Variants in CEP131 observed in about 807,000 individuals in gnomAD.
The protein encoded by CEP131 is centrosomal protein of 131 kDa.
CEP131 carries 99 observed loss-of-function variants against 136.8 expected under a neutral mutation model. The observed-to-expected ratio is 0.72, with a 90% confidence interval of 0.62 to 0.86. The LOEUF (loss-of-function observed/expected upper bound fraction) is 0.86, where lower values mean the gene tolerates loss of function less well. CEP131 is among the 40% of genes least tolerant of loss of function. The probability of loss-of-function intolerance (pLI) is 0.00; values close to 1 mark genes in which losing one functional copy is unlikely to be tolerated. For synonymous variants in CEP131, 646 were observed against 612.7 expected (o/e 1.05, Z -0.80); for missense variants, 1,459 against 1,463.0 (o/e 1.00, Z 0.04).
intron 5 of CEP131, among the ~76,000 whole-genome samples, chr17:81,205,561 G>C (rs1360945768): frequency 6.6e-6 from 1 of 151,640 alleles, no homozygotes; most frequent in Non-Finnish European, 1.5e-5. Flanking sequence ...GGTGCTGTTT[G>C]ACATTTTGGC....
At chr17:81,205,922 T>C (rs1354002172) in intron 5 of CEP131, among the ~76,000 whole-genome samples, 4 of 151,904 alleles carry the variant, frequency 2.6e-5, no homozygotes, top group African/African-American at 9.7e-5. Flanking sequence ...AAGCAAGAAT[T>C]GAGCTGGGTG....
At position 81,195,683 on chromosome 17, in the gene CEP131, C is replaced by T. The variant is rs2061738933; in HGVS notation, c.2016+152G>A. The stretch of plus-strand genomic sequence containing the variant: ...AGTGGACCAGCTCGGTGCCACGGTG[C>T]TCCCCCAGACAGCCCCACCCACCGC... On this transcript the variant is annotated intron_variant, in intron 16 of 25. Transcript: ENST00000450824. The T allele has an allele frequency of 1.2e-5, 8 of 685,450 alleles. No individual in the cohort carries two copies. In the South Asian group the frequency reaches 1.4e-4, roughly 12 times the overall value. 42.5% of individuals were successfully genotyped at this position (685,450 alleles called of 1,614,324 possible).
chr17:81,211,174 G>A (rs556621059), intron 2 of CEP131, among the ~76,000 whole-genome samples: 89 of 152,334 alleles, frequency 5.8e-4, no homozygotes, highest in African/African-American at 1.9e-3. Flanking sequence ...CCGCCGCCCC[G>A]TTCTCCACGC....
intron 14 of CEP131, 41 bp downstream of exon 14, chr17:81,196,889 A>T: frequency 1.2e-6 from 2 of 1,606,512 alleles, no homozygotes; most frequent in Middle Eastern, 3.3e-4. Flanking sequence ...AGCAGGTAGG[A>T]GGCTAGCAGG....
intron 20 of CEP131, 26 bp downstream of exon 20, chr17:81,192,450 C>T (rs2061661339): frequency 1.9e-6 from 3 of 1,611,776 alleles, no homozygotes; most frequent in Non-Finnish European, 2.5e-6. Context: ...CCTGGCCAGG[C>T]CCAGCACAGC....
intron 17 of CEP131, among the ~76,000 whole-genome samples, chr17:81,194,664 G>A (rs1323276366): frequency 5.9e-5 from 9 of 152,250 alleles, no homozygotes; most frequent in African/African-American, 2.2e-4. Flanking sequence ...GCTGGGCCAG[G>A]CTCCTGTGTG....
intron 20 of CEP131, 26 bp from the exon 21 acceptor site, chr17:81,192,418 T>C (rs764364789): frequency 6.2e-7 from 1 of 1,611,332 alleles, no homozygotes; most frequent in Non-Finnish European, 8.5e-7. Flanking sequence ...AAGAGGCCAG[T>C]CAGTCCCACC....
chr17:81,189,645 G>T lies in CEP131; in HGVS notation c.*124C>A. ...GTTAAAATGCAGCCACAGGTGCTTA[G>T]CCGTGGGCATCTCAACCACCAGCCT... On this transcript the variant is annotated 3_prime_UTR_variant, in exon 26 of 26. Transcript: ENST00000450824. 1.0e-6 allele frequency: 1 copy of T among 966,774 alleles called. No homozygotes were observed. The highest frequency in any genetic ancestry group is 1.5e-6 in the Non-Finnish European group (1 of 651,680). The allele number at this position is 966,774 out of a possible 1,614,324, so 59.9% of individuals were successfully genotyped here.
Position 81,194,926 on chromosome 17 carries a change from C to T in CEP131, c.2063G>A (p.Arg688His), listed in dbSNP as rs752096772. The T allele has an allele frequency of 6.8e-6, 11 of 1,613,152 alleles. No individual in the cohort carries two copies. The highest frequency in any genetic ancestry group is 5.3e-5 in the African/African-American group (4 of 74,892). Residue 688 changes from arginine to histidine, a missense_variant, in exon 17 of 26, where the codon CGC (arginine) becomes CAC (histidine). This residue lies in a region of CEP131 where 1,026 missense variants were observed against 964.2 expected (regional missense o/e 1.06). Transcript: ENST00000450824. ...KELMSATEKA[R>H]REKWISEKTK... ...TTTCTCACTGATCCACTTCTCCCGG[C>T]GGGCTTTCTCGGTGGCGCTCATTAA...
At chr17:81,221,141 A>AC (rs1244025926) in intron 1 of CEP131, among the ~76,000 whole-genome samples, 14 of 151,368 alleles carry the variant, frequency 9.2e-5, no homozygotes, top group Middle Eastern at 6.8e-3. Context: ...AAAAAAAAAA[A>AC]AAAAACGCGG....
chr17:81,193,964 C>G lies in CEP131; in HGVS notation c.2283G>C (p.Glu761Asp). The G allele has an allele frequency of 4.5e-6, 7 of 1,544,208 alleles. No homozygotes were observed. Among genetic ancestry groups the G allele is most frequent in the Non-Finnish European group, 6.1e-6 (7 of 1,144,464 alleles). Residue 761 changes from glutamate to aspartate, a missense_variant, in exon 18 of 26, where the codon GAG (glutamate) becomes GAC (aspartate). Coordinates refer to ENST00000450824, the MANE Select transcript of CEP131 (RefSeq NM_014984.4). ...ELREQLEREKEALGQQERERA... is the reference protein window; with the variant it reads ...ELREQLEREKDALGQQERERA... Reference sequence around the variant, plus strand: ...GTTCGCGCTCCTGCTGGCCCAGCGCCTCCTTCTCCCGCTCCAGCTGCTCCC... The same window carrying G: ...GTTCGCGCTCCTGCTGGCCCAGCGCGTCCTTCTCCCGCTCCAGCTGCTCCC...
Position 81,208,947 on chromosome 17 carries a change from G to A in CEP131, c.253C>T (p.Pro85Ser), listed in dbSNP as rs769096752. The change falls in exon 3 of 26, where the codon CCT becomes TCT. Residue 85 changes from proline to serine, a missense_variant. Around this residue, in one of 3 missense-constraint regions of CEP131, gnomAD observed 187 missense variants for 179.9 expected, o/e 1.04. Transcript: ENST00000450824. The surrounding 1 kb of genome is among the most constrained non-coding windows in gnomAD (Gnocchi z 5.6). Reference sequence around the variant, plus strand: ...GGTTACCTGGGGGAGCCGCTCCGAGGCTGGCTGACCTGCGTGGTGCTGTTG... The same window carrying A: ...GGTTACCTGGGGGAGCCGCTCCGAGACTGGCTGACCTGCGTGGTGCTGTTG... ...RSNSTTQVSQPRSGSPRPTEP... is the reference protein window; with the variant it reads ...RSNSTTQVSQSRSGSPRPTEP... 6.2e-7 allele frequency: 1 copy of A among 1,613,734 alleles called. No individual in the cohort carries two copies. The highest frequency in any genetic ancestry group is 1.3e-5 in the African/African-American group (1 of 74,914).
rs190315297 is a variant in CEP131, at chr17:81,198,029, T to C, written c.1470+86A>G. ...CCAGGAGGAGCCTGTGGCATCCCCA[T>C]TTTCCCAACCCCCACAGCCACCGCA... On this transcript the variant is annotated intron_variant, in intron 12 of 25. Transcript: ENST00000450824. 5.8e-4 allele frequency: 858 copies of C among 1,481,710 alleles called. 11 individuals are homozygous for C. The East Asian group carries it at 0.02, about 35-fold the overall frequency. 91.8% of individuals were successfully genotyped at this position (1,481,710 alleles called of 1,614,324 possible).
rs141771413 is a variant in CEP131, at chr17:81,200,326, G to T, written c.906+3C>A. On this transcript the variant is annotated splice_donor_region_variant and intron_variant, in intron 8 of 25. Coordinates refer to ENST00000450824, the MANE Select transcript of CEP131 (RefSeq NM_014984.4). ...ATGGAGTGACTGAGACGCCCACACT[G>T]ACCTCCCGCTTGGCCTGAAGCAAGT... The T allele has an allele frequency of 4.2e-5, 68 of 1,600,820 alleles. No homozygotes were observed. In the East Asian group the frequency reaches 1.5e-3, roughly 34 times the overall value.
rs986933454 is a variant in CEP131 at position 81,203,996 on chromosome 17, G to A, written c.516-389C>T. 6 of 192,188 alleles carry A rather than the reference G, an allele frequency of 3.1e-5. No individual in the cohort carries two copies. The Admixed American group carries it at 3.5e-4, about 11-fold the overall frequency. The allele number at this position is 192,188 out of a possible 1,614,324, so 11.9% of individuals were successfully genotyped here. Reference sequence around the variant, plus strand: ...TCTGCCTCTGCCCCTCCGCAGACCCGCAGGAAGGCGGGAGGACAGGACCAA... The same window carrying A: ...TCTGCCTCTGCCCCTCCGCAGACCCACAGGAAGGCGGGAGGACAGGACCAA... On this transcript the variant is annotated intron_variant, in intron 5 of 25. Coordinates refer to ENST00000450824, the MANE Select transcript of CEP131 (RefSeq NM_014984.4). The surrounding 1 kb of genome is among the most constrained non-coding windows in gnomAD (Gnocchi z 4.6).
rs951916257 is a variant in CEP131 at position 81,191,207 on chromosome 17, C to G, written c.2751G>C (p.Lys917Asn). The change falls in exon 22 of 26, where the codon AAG (lysine) becomes AAC (asparagine). Residue 917 changes from lysine (K) to asparagine (N), a missense_variant. By Grantham distance (94) the Lys-to-Asn change is moderately conservative. Coordinates refer to ENST00000450824, the MANE Select transcript of CEP131 (RefSeq NM_014984.4). ...CGGGTCCTTACCGGCTCTCGGCAGC[C>G]TTCTCACTCTCCTCCTTGGCCAGCG... ...DMALAKEESE[K>N]AAESRIKRLR... 2 of 1,612,576 alleles carry G rather than the reference C, an allele frequency of 1.2e-6. No individual in the cohort carries two copies. Among genetic ancestry groups the G allele is most frequent in the African/African-American group, 2.7e-5 (2 of 74,928 alleles).
chr17:81,199,361 G>A lies in CEP131; in HGVS notation c.1192+20C>T, dbSNP rs766681797. 4.0e-5 allele frequency: 64 copies of A among 1,585,448 alleles called. No individual in the cohort carries two copies. In the Middle Eastern group the frequency reaches 5.7e-4, roughly 14 times the overall value. ...TGCAGTCCACCCCCCAGAGCAGGGC[G>A]GGCGTGGAGCCACTCTCACCAGTAT... is the stretch of plus-strand genomic sequence containing the variant. On this transcript the variant is annotated intron_variant, in intron 10 of 25. Coordinates refer to ENST00000450824, the MANE Select transcript of CEP131 (RefSeq NM_014984.4).
At chr17:81,202,782 T>C (rs1310857249) in intron 6 of CEP131, among the ~76,000 whole-genome samples, 6 of 152,064 alleles carry the variant, frequency 3.9e-5, no homozygotes, top group African/African-American at 1.4e-4. Flanking sequence ...GCCAACATGG[T>C]GAAACCCCAT....
At chr17:81,214,542 G>A (rs746150758) in intron 2 of CEP131, among the ~76,000 whole-genome samples, 1 of 150,512 alleles carries the variant, frequency 6.6e-6, no homozygotes, top group Non-Finnish European at 1.5e-5. Flanking sequence ...GGTGACAGGA[G>A]TGAAACTTCA....
Sources: gnomAD v4.1 joint callset for allele counts (sites outside exome capture counted in the v4.1 genomes callset) on GRCh38, gnomAD v4.1.1 for gene constraint, gnomAD v4.1.1 regional missense constraint, Gnocchi (gnomAD v3.1) non-coding constraint, MANE v1.5 for transcripts, NCBI Gene and HGNC (gene_info 2026-07-23, HGNC 2026-07-21) for gene names.